METTL24: variants seen among roughly 807,000 people sequenced by gnomAD.
METTL24 encodes the protein probable methyltransferase-like protein 24.
In METTL24, 29 loss-of-function variants were observed where a neutral mutation model predicts 32.7. The ratio of observed to expected loss-of-function variants is 0.89; its 90% CI spans 0.66 to 1.21. The LOEUF (loss-of-function observed/expected upper bound fraction) is 1.21. Ranked by LOEUF, METTL24 falls within the 50% of genes most tolerant of loss-of-function variation. The probability of loss-of-function intolerance (pLI) is 0.00; values close to 1 mark genes in which losing one functional copy is unlikely to be tolerated. For synonymous variants in METTL24, 163 were observed against 179.5 expected (o/e 0.91, Z 0.73); for missense variants, 439 against 468.1 (o/e 0.94, Z 0.57).
intron 2 of METTL24, among the ~76,000 whole-genome samples, chr6:110,318,297 C>T (rs1262525122): frequency 2.6e-5 from 4 of 152,158 alleles, no homozygotes; most frequent in African/African-American, 4.8e-5. Flanking sequence ...ATTGAAGAGA[C>T]ATTCTTTTTC....
intron 1 of METTL24, among the ~76,000 whole-genome samples, chr6:110,330,651 C>T (rs1339071645): frequency 6.6e-6 from 1 of 152,188 alleles, no homozygotes; most frequent in East Asian, 1.9e-4. Context: ...AAGCCCCAGA[C>T]TGGCCTGGGC....
intron 4 of METTL24, among the ~76,000 whole-genome samples, chr6:110,298,295 T>A (rs997711255): frequency 1.3e-5 from 2 of 152,222 alleles, no homozygotes; most frequent in African/African-American, 4.8e-5. Context: ...ACACTAAAAA[T>A]TGCTTTCAAA....
intron 3 of METTL24, among the ~76,000 whole-genome samples, chr6:110,306,289 A>G (rs1210286644): frequency 6.6e-6 from 1 of 152,102 alleles, no homozygotes; most frequent in Non-Finnish European, 1.5e-5. Flanking sequence ...CATGTGTCCC[A>G]GAACTTAAAG....
chr6:110,271,096 A>T (rs1267561331), intron 4 of METTL24, among the ~76,000 whole-genome samples: 3 of 151,394 alleles, frequency 2.0e-5, no homozygotes, highest in Non-Finnish European at 2.9e-5. Flanking sequence ...CTGACCTCAG[A>T]TGATCCACCG....
intron 1 of METTL24, among the ~76,000 whole-genome samples, chr6:110,348,626 G>T (rs1181625880): frequency 6.6e-6 from 1 of 152,202 alleles, no homozygotes; most frequent in African/African-American, 2.4e-5. Flanking sequence ...TATAAAACAC[G>T]AATATTGCCT....
intron 4 of METTL24, among the ~76,000 whole-genome samples, chr6:110,278,343 T>C (rs1021343670): frequency 3.3e-5 from 5 of 152,334 alleles, no homozygotes; most frequent in Admixed American, 3.3e-4. Context: ...ACTTTATCTC[T>C]GCACTTTCCT....
chr6:110,316,702 T>G (rs1771825392), intron 2 of METTL24, among the ~76,000 whole-genome samples: 1 of 152,144 alleles, frequency 6.6e-6, no homozygotes, highest in Admixed American at 6.5e-5. Context: ...TCGAGACCAG[T>G]CTGGGCAACA....
At chr6:110,315,237 C>A in intron 3 of METTL24, 105 bp downstream of exon 3, 1 of 1,304,282 alleles carries the variant, frequency 7.7e-7, no homozygotes, top group Non-Finnish European at 1.1e-6. Context: ...CAAAGCATGG[C>A]ACCTGTTACA....
At chr6:110,313,450 G>T (rs748953741) in intron 3 of METTL24, among the ~76,000 whole-genome samples, 6 of 152,164 alleles carry the variant, frequency 3.9e-5, no homozygotes, top group Admixed American at 1.3e-4. Context: ...TTATCCAACA[G>T]CTCTGAAGTA....
chr6:110,312,567 G>C (rs1771743031), intron 3 of METTL24, among the ~76,000 whole-genome samples: 1 of 152,220 alleles, frequency 6.6e-6, no homozygotes. Flanking sequence ...GGAACTGGAG[G>C]ACAGTATGTT....
At chr6:110,336,938 T>C (rs1772247322) in intron 1 of METTL24, among the ~76,000 whole-genome samples, 1 of 152,054 alleles carries the variant, frequency 6.6e-6, no homozygotes, top group Admixed American at 6.5e-5. Context: ...CCCAGAGGAA[T>C]ATAAATCATT....
In METTL24 at chr6:110,288,154, G is replaced by A. The variant is rs116885467; in HGVS notation, c.786+10768C>T. On this transcript the variant is annotated intron_variant, in intron 4 of 4. Transcript: ENST00000338882. The stretch of plus-strand genomic sequence containing the variant: ...AGTGCTTGTGCTCTGCAGGGACTGC[G>A]TTCAAGTCTCAGCACTGCCCATGAC... Among the ~76,000 whole-genome samples the A allele has an allele frequency of 4.8e-3, 736 of 152,242 alleles. 1 individual carries two copies. The highest frequency in any genetic ancestry group is 7.6e-3 in the Non-Finnish European group (517 of 68,004).
intron 4 of METTL24, among the ~76,000 whole-genome samples, chr6:110,296,156 T>A (rs1378889266): frequency 6.6e-6 from 1 of 152,214 alleles, no homozygotes; most frequent in Admixed American, 6.5e-5. Flanking sequence ...ATCAGCAGCA[T>A]GGTTAAGACC....
At chr6:110,286,113 C>G (rs1771215928) in intron 4 of METTL24, among the ~76,000 whole-genome samples, 1 of 152,120 alleles carries the variant, frequency 6.6e-6, no homozygotes, top group African/African-American at 2.4e-5. Context: ...TATCATGCAC[C>G]TTACAATAGG....
chr6:110,322,768 C>A lies in METTL24; in HGVS notation c.417+6G>T. The A allele has an allele frequency of 6.2e-7, 1 of 1,608,926 alleles. No individual in the cohort carries two copies. Among genetic ancestry groups the A allele is most frequent in the Non-Finnish European group, 8.5e-7 (1 of 1,176,778 alleles). On this transcript the variant is annotated splice_donor_region_variant and intron_variant, in intron 2 of 4. Transcript: ENST00000338882. Reference sequence around the variant, plus strand: ...TTCTCTAACTTCTTTGAGCCTGAAACACAACCTGGGTGGTGCTGATATATC... The same window carrying A: ...TTCTCTAACTTCTTTGAGCCTGAAAAACAACCTGGGTGGTGCTGATATATC...
intron 3 of METTL24, among the ~76,000 whole-genome samples, chr6:110,307,212 G>T (rs1310265249): frequency 6.6e-6 from 1 of 152,118 alleles, no homozygotes; most frequent in Non-Finnish European, 1.5e-5. Flanking sequence ...CACTACACTG[G>T]ACACCAGGGA....
intron 2 of METTL24, among the ~76,000 whole-genome samples, chr6:110,319,247 A>C (rs543409664): frequency 5.4e-5 from 8 of 147,412 alleles, no homozygotes; most frequent in African/African-American, 2.1e-4. Context: ...TTGTATGCTT[A>C]TTGTTTTTAT....
intron 3 of METTL24, among the ~76,000 whole-genome samples, chr6:110,311,599 G>A (rs555145450): frequency 3.1e-4 from 47 of 149,666 alleles, no homozygotes; most frequent in African/African-American, 1.1e-3. Context: ...TCAGCCTCCT[G>A]AGTAGCTGGA....
intron 1 of METTL24, among the ~76,000 whole-genome samples, chr6:110,347,045 TATTGGTGCTATAC>T (rs1244245962): frequency 4.6e-5 from 7 of 152,264 alleles, no homozygotes; most frequent in African/African-American, 1.7e-4. Flanking sequence ...ATTGATCCTT[TATTGGTGCTATAC>T]ATTGTAGATA....
Sources: gnomAD v4.1 joint callset for allele counts (sites outside exome capture counted in the v4.1 genomes callset) on GRCh38, gnomAD v4.1.1 for gene constraint, MANE v1.5 for transcripts, NCBI Gene and HGNC (gene_info 2026-07-23, HGNC 2026-07-21) for gene names.